The following TENM4 variants were observed in gnomAD, a reference collection of about 807,000 sequenced individuals.
The protein encoded by TENM4 is teneurin-4.
In TENM4, 82 loss-of-function variants were observed where a neutral mutation model predicts 243.3. The ratio of observed to expected loss-of-function variants is 0.34; its 90% CI spans 0.28 to 0.40. The LOEUF (loss-of-function observed/expected upper bound fraction) is 0.40, where lower values mean the gene tolerates loss of function less well. Ranked by LOEUF, TENM4 falls within the 10% of genes least tolerant of loss-of-function variation. The probability of loss-of-function intolerance (pLI) is 1.00; values close to 1 mark genes in which losing one functional copy is unlikely to be tolerated. For missense variants in TENM4, 3,138 were observed against 3,673.3 expected (o/e 0.85, Z 3.77); for synonymous variants, 1,412 against 1,456.3 (o/e 0.97, Z 0.69).
At chr11:79,217,951 G>A (rs1411733180) in intron 2 of TENM4, among the ~76,000 whole-genome samples, 3 of 152,070 alleles carry the variant, frequency 2.0e-5, no homozygotes, top group Non-Finnish European at 2.9e-5. Flanking sequence ...CCTGACTTCA[G>A]GTGATCCACC....
chr11:79,320,525 C>G (rs971810093), intron 1 of TENM4, among the ~76,000 whole-genome samples: 1 of 152,166 alleles, frequency 6.6e-6, no homozygotes, highest in African/African-American at 2.4e-5. Flanking sequence ...ATTGCTATTC[C>G]ACTTCTTGGA....
chr11:78,756,963 G>A lies in TENM4; in HGVS notation c.2598C>T (p.Asn866=), dbSNP rs769958896. The A allele has an allele frequency of 4.3e-6, 7 of 1,614,012 alleles. No homozygotes were observed. The highest frequency in any genetic ancestry group is 1.6e-4 in the Middle Eastern group (1 of 6,062). Residue 866 remains asparagine (N), a synonymous_variant, in exon 19 of 34, where the codon AAC becomes AAT. Transcript: ENST00000278550. ...DCCLQPLCHI[N]PLCLGSPNPL... Reference sequence around the variant, plus strand: ...GGTTAGGGGAGCCAAGGCACAGCGGGTTGATATGGCACAGGGGCTGGAGGC... The same window carrying A: ...GGTTAGGGGAGCCAAGGCACAGCGGATTGATATGGCACAGGGGCTGGAGGC...
chr11:78,756,586 A>G, intron 19 of TENM4: 2 of 542,118 alleles, frequency 3.7e-6, no homozygotes, highest in South Asian at 4.2e-5. Context: ...AGTGGGAGCA[A>G]CAAAACTTTG....
intron 6 of TENM4, among the ~76,000 whole-genome samples, chr11:79,020,093 T>TGA (rs1858887178): frequency 6.6e-6 from 1 of 152,200 alleles, no homozygotes; most frequent in South Asian, 2.1e-4. Context: ...CACTTCTTTG[T>TGA]TAAATAGAAC....
At chr11:78,852,868 GCCTCCTGAGCAGCTGGGAC>G (rs1159898027) in intron 12 of TENM4, among the ~76,000 whole-genome samples, 2 of 152,036 alleles carry the variant, frequency 1.3e-5, no homozygotes, top group Non-Finnish European at 2.9e-5. Context: ...TCCCACCTCA[GCCTCCTGAGCAGCTGGGAC>G]CGCAGGCATG....
At chr11:79,218,419 G>T (rs1212719571) in intron 2 of TENM4, among the ~76,000 whole-genome samples, 2 of 152,212 alleles carry the variant, frequency 1.3e-5, no homozygotes, top group East Asian at 3.9e-4. Flanking sequence ...GTCCTGCTGG[G>T]GTCCTAGTCA....
At chr11:78,964,975 C>A (rs946042889) in intron 6 of TENM4, among the ~76,000 whole-genome samples, 3 of 152,140 alleles carry the variant, frequency 2.0e-5, no homozygotes, top group Non-Finnish European at 4.4e-5. Context: ...TCAAGAGATT[C>A]TCCTGCCTCA....
intron 1 of TENM4, among the ~76,000 whole-genome samples, chr11:79,320,948 C>T (rs1207761036): frequency 6.6e-6 from 1 of 152,206 alleles, no homozygotes; most frequent in African/African-American, 2.4e-5. Flanking sequence ...TTAGCATCCT[C>T]TTCTCAATCT....
At chr11:78,711,483 A>G (rs1047295054) in intron 26 of TENM4, among the ~76,000 whole-genome samples, 6 of 152,156 alleles carry the variant, frequency 3.9e-5, no homozygotes, top group African/African-American at 1.4e-4. Flanking sequence ...TTTCACTAGA[A>G]TCTCCTGCTT....
At chr11:78,915,768 C>T (rs1049249032) in intron 6 of TENM4, among the ~76,000 whole-genome samples, 1 of 152,174 alleles carries the variant, frequency 6.6e-6, no homozygotes, top group African/African-American at 2.4e-5. Flanking sequence ...AACCCCAATT[C>T]CATGGGCCCT....
In TENM4 at chr11:78,655,392, ACACT is replaced by A. The variant is rs549247361; in HGVS notation, c.*2662_*2665del. On this transcript the variant is annotated 3_prime_UTR_variant, in exon 34 of 34. Transcript: ENST00000278550. The stretch of plus-strand genomic sequence containing the variant: ...AATATAAGATCCTTTAAAGAAACAA[ACACT>A]CAGTCCAGGCGCAGTGGCTCACACC... The A allele has an allele frequency of 2.0e-5, 3 of 151,960 alleles. No homozygotes were observed. The highest frequency in any genetic ancestry group is 4.4e-5 in the Non-Finnish European group (3 of 67,980). The allele number at this position is 151,960 out of a possible 1,614,324, so 9.4% of individuals were successfully genotyped here. A position where few individuals can be genotyped will look rare whatever the true frequency, so the allele number is the denominator to read the frequency against.
intron 33 of TENM4, among the ~76,000 whole-genome samples, chr11:78,659,449 G>T (rs1344925589): frequency 1.3e-5 from 2 of 152,174 alleles, no homozygotes; most frequent in African/African-American, 4.8e-5. Flanking sequence ...GGAGAAGGAA[G>T]GAGCAAACAA....
intron 5 of TENM4, 124 bp downstream of exon 5, chr11:79,069,598 G>A (rs1860351445): frequency 7.7e-7 from 1 of 1,291,590 alleles, no homozygotes; most frequent in Non-Finnish European, 1.0e-6. Flanking sequence ...TGTTGATATG[G>A]CACCCCAACT....
chr11:78,955,527 G>C (rs915306454), intron 6 of TENM4, among the ~76,000 whole-genome samples: 10 of 152,160 alleles, frequency 6.6e-5, no homozygotes, highest in Non-Finnish European at 1.5e-4. Context: ...TGCCTTCCTC[G>C]GGGAGTGGTG....
intron 22 of TENM4, among the ~76,000 whole-genome samples, chr11:78,728,380 G>T (rs1783949): frequency 0.99 from 150,382 of 152,274 alleles, 74,315 homozygotes; most frequent in Non-Finnish European, 1. Context: ...TTAATGGAGT[G>T]ACTAATGTAC....
chr11:79,229,478 G>A (rs908048317), intron 2 of TENM4, among the ~76,000 whole-genome samples: 1 of 152,000 alleles, frequency 6.6e-6, no homozygotes, highest in Non-Finnish European at 1.5e-5. Flanking sequence ...TCTTCCCCTT[G>A]GCTAACTTAA....
intron 32 of TENM4, among the ~76,000 whole-genome samples, chr11:78,666,655 G>A (rs544781083): frequency 1.1e-4 from 16 of 152,358 alleles, no homozygotes; most frequent in African/African-American, 3.8e-4. Context: ...AGTGGAAGGT[G>A]TTCTAGAGTC....
At chr11:79,146,543 C>T (rs958402909) in intron 4 of TENM4, among the ~76,000 whole-genome samples, 2 of 152,018 alleles carry the variant, frequency 1.3e-5, no homozygotes, top group African/African-American at 4.8e-5. Flanking sequence ...CTCTAGCCAC[C>T]GAGGTACCTA....
intron 28 of TENM4, among the ~76,000 whole-genome samples, chr11:78,688,729 C>A (rs1298800352): frequency 6.6e-6 from 1 of 151,552 alleles, no homozygotes; most frequent in African/African-American, 2.4e-5. Context: ...TAGGTTTCTA[C>A]ACATCCTGGG....
Sources: allele counts gnomAD v4.1 joint callset (sites outside exome capture counted in the v4.1 genomes callset), GRCh38; gene constraint gnomAD v4.1.1; transcripts MANE v1.5; gene names NCBI Gene and HGNC (gene_info 2026-07-23, HGNC 2026-07-21).